F2: variants seen among roughly 807,000 people sequenced by gnomAD.
F2 encodes prothrombin.
In F2, 34 loss-of-function variants were observed where a neutral mutation model predicts 81.9. The ratio of observed to expected loss-of-function variants is 0.42; its 90% confidence interval spans 0.32 to 0.55. F2 has a LOEUF of 0.55. Among genes scored for constraint, F2 ranks in the 20% least tolerant of loss-of-function variants. The pLI is 0.18. For missense variants in F2, 630 were observed against 833.4 expected, an observed-to-expected ratio of 0.76 and a Z score of 3.00; for synonymous variants, 296 against 326.4, an observed-to-expected ratio of 0.91 and a Z score of 1.01.
intron 12 of F2, among the ~76,000 whole-genome samples, chr11:46,730,627 C>CT (rs1356222066): frequency 2.6e-5 from 4 of 151,494 alleles, no homozygotes; most frequent in Non-Finnish European, 2.9e-5. Context: ...TATTGAGGGG[C>CT]TTGAGGCAGG....
chr11:46,719,526 G>C lies in F2; in HGVS notation c.80-176G>C. ...ATAGGGAGCAGGCTGGGGGCAAGGG[G>C]CAGTGTAGGAGGGGCACAGGGGGCC... On this transcript the variant is annotated intron_variant, in intron 1 of 13. Transcript: ENST00000311907. The surrounding 1 kb of genome is among the most constrained non-coding windows in gnomAD (Gnocchi z 4.7). 1 of 944,642 alleles carries C rather than the reference G, an allele frequency of 1.1e-6. No individual in the cohort carries two copies. The allele number at this position is 944,642 out of a possible 1,614,324, so 58.5% of individuals were successfully genotyped here.
rs749229911 is a variant in F2, at chr11:46,723,295, G to A, written c.422+10G>A. On this transcript the variant is annotated intron_variant, in intron 5 of 13. Transcript: ENST00000311907. The surrounding 1 kb of genome is among the most constrained non-coding windows in gnomAD (Gnocchi z 5.6). ...ACCCACATAAGCCTGAGTGAGTGAG[G>A]GGCCGGCCTTCCCACCATGGGCTGA... 1 of 1,613,508 alleles carries A rather than the reference G, an allele frequency of 6.2e-7. No individual in the cohort carries two copies. The highest frequency in any genetic ancestry group is 8.5e-7 in the Non-Finnish European group (1 of 1,179,474).
chr11:46,734,930 C>G (rs1039999822), intron 12 of F2, among the ~76,000 whole-genome samples: 19 of 152,198 alleles, frequency 1.2e-4, no homozygotes, highest in Non-Finnish European at 2.6e-4. Flanking sequence ...AGATTCCTGA[C>G]TCATATGGAG....
chr11:46,728,301 G>T lies in F2; in HGVS notation c.1298+138G>T. ...TATAACATCCCAGCAGTCTCTGCTG[G>T]AAAGCCCATTTGGTCACGTCCTGAC... On this transcript the variant is annotated intron_variant, in intron 10 of 13. Coordinates refer to ENST00000311907, the MANE Select transcript of F2 (RefSeq NM_000506.5). The surrounding 1 kb of genome is among the most constrained non-coding windows in gnomAD (Gnocchi z 5.1). 2.9e-6 allele frequency: 3 copies of T among 1,048,254 alleles called. No individual in the cohort carries two copies. The highest frequency in any genetic ancestry group is 4.3e-6 in the Non-Finnish European group (3 of 700,840). The allele number at this position is 1,048,254 out of a possible 1,614,324, so 64.9% of individuals were successfully genotyped here. A position where few individuals can be genotyped will look rare whatever the true frequency, so the allele number is the denominator to read the frequency against.
Position 46,728,377 on chromosome 11 carries a change from C to T in F2, c.1298+214C>T, listed in dbSNP as rs551607817. On this transcript the variant is annotated intron_variant, in intron 10 of 13. Transcript: ENST00000311907. This position sits in a 1 kb window ranked among gnomAD's most constrained non-coding sequence, Gnocchi z 5.1. ...TCCGTCTGTCTCCTGGTCCCTCCAA[C>T]ACTAGGATATAGCCCATGTGGGAGT... 5.9e-5 allele frequency among the ~76,000 whole-genome samples: 9 copies of T among 152,334 alleles called. No homozygotes were observed. Among genetic ancestry groups the T allele is most frequent in the African/African-American group, 2.2e-4 (9 of 41,572 alleles).
intron 6 of F2, 134 bp from the exon 7 acceptor site, chr11:46,725,725 C>T (rs2064867280): frequency 1.6e-5 from 16 of 1,027,232 alleles, no homozygotes; most frequent in South Asian, 7.7e-5. Flanking sequence ...GGCAAACGGT[C>T]AGAAGCCCAG....
At chr11:46,724,304 G>C (rs1389606919) in intron 6 of F2, among the ~76,000 whole-genome samples, 1 of 152,100 alleles carries the variant, frequency 6.6e-6, no homozygotes, top group African/African-American at 2.4e-5. Context: ...GGCTGCACTC[G>C]CTAATGCGTC....
chr11:46,724,832 C>T (rs2064861307), intron 6 of F2, among the ~76,000 whole-genome samples: 2 of 150,966 alleles, frequency 1.3e-5, no homozygotes, highest in South Asian at 4.2e-4. Flanking sequence ...GTGCAGTGGC[C>T]CTATCTCAGC....
In F2 at chr11:46,719,713, C is replaced by T. The variant is rs1427401369; in HGVS notation, c.91C>T (p.Pro31Ser). 3 of 1,591,516 alleles carry T rather than the reference C, an allele frequency of 1.9e-6. No homozygotes were observed. Among genetic ancestry groups the T allele is most frequent in the African/African-American group, 2.7e-5 (2 of 74,516 alleles). ...LVHSQHVFLA[P>S]QQARSLLQRV... Reference sequence around the variant, plus strand: ...CCACCGCCTTACAGTGTTCCTGGCTCCTCAGCAAGCACGGTCGCTGCTCCA... The same window carrying T: ...CCACCGCCTTACAGTGTTCCTGGCTTCTCAGCAAGCACGGTCGCTGCTCCA... The change falls in exon 2 of 14, where the codon CCT becomes TCT. Residue 31 changes from proline (P) to serine (S), a missense_variant. Coordinates refer to ENST00000311907, the MANE Select transcript of F2 (RefSeq NM_000506.5). The surrounding 1 kb of genome is among the most constrained non-coding windows in gnomAD (Gnocchi z 4.7).
intron 12 of F2, among the ~76,000 whole-genome samples, chr11:46,734,742 C>T (rs1236236796): frequency 3.9e-5 from 6 of 152,038 alleles, no homozygotes; most frequent in Admixed American, 1.3e-4. Context: ...ACCTGGGAGG[C>T]GGAGGTTGCA....
Position 46,723,051 on chromosome 11 carries a change from G to A in F2, c.317-129G>A. 1 of 822,054 alleles carries A rather than the reference G, an allele frequency of 1.2e-6. No homozygotes were observed. Among genetic ancestry groups the A allele is most frequent in the Non-Finnish European group, 2.2e-6 (1 of 461,172 alleles). 50.9% of individuals were successfully genotyped at this position (822,054 alleles called of 1,614,324 possible). A position where few individuals can be genotyped will look rare whatever the true frequency, so the allele number is the denominator to read the frequency against. On this transcript the variant is annotated intron_variant, in intron 4 of 13. Coordinates refer to ENST00000311907, the MANE Select transcript of F2 (RefSeq NM_000506.5). The surrounding 1 kb of genome is among the most constrained non-coding windows in gnomAD (Gnocchi z 5.6). ...GAGAACTGCTGGTTGCAGAGGAAGA[G>A]GGGCTGGGTGAATGCAGGTTCAGGA... is the stretch of plus-strand genomic sequence containing the variant.
At position 46,728,083 on chromosome 11, in the gene F2, C is replaced by T. The variant is rs2064887422; in HGVS notation, c.1218C>T (p.His406=). The T allele has an allele frequency of 4.3e-6, 7 of 1,610,944 alleles. No homozygotes were observed. In the East Asian group the frequency reaches 1.3e-4, roughly 31 times the overall value. The change falls in exon 10 of 14, where the codon CAC becomes CAT. Residue 406 remains histidine, a synonymous_variant. Transcript: ENST00000311907. The surrounding 1 kb of genome is among the most constrained non-coding windows in gnomAD (Gnocchi z 5.1). The part of the protein sequence containing the change: ...ISDRWVLTAA[H]CLLYPPWDKN... ...ACCGCTGGGTCCTCACCGCCGCCCACTGCCTCCTGTACCCGCCCTGGGACA... is the reference window on the plus strand; with the variant it reads ...ACCGCTGGGTCCTCACCGCCGCCCATTGCCTCCTGTACCCGCCCTGGGACA...
Position 46,729,535 on chromosome 11 carries a change from G to A in F2, c.1628G>A (p.Arg543His), listed in dbSNP as rs143064939. 5.0e-5 allele frequency: 81 copies of A among 1,613,614 alleles called. 1 individual carries two copies. Among genetic ancestry groups the A allele is most frequent in the Middle Eastern group, 1.7e-4 (1 of 6,060 alleles). Reference protein sequence around the residue: ...RPVCKDSTRIRITDNMFCAGY... With the variant: ...RPVCKDSTRIHITDNMFCAGY... The stretch of plus-strand genomic sequence containing the variant: ...GTCTGCAAGGACTCCACCCGGATCC[G>A]CATCACTGACAACATGTTCTGTGCT... Residue 543 changes from arginine to histidine, a missense_variant, in exon 12 of 14, where the codon CGC becomes CAC. Coordinates refer to ENST00000311907, the MANE Select transcript of F2 (RefSeq NM_000506.5).
In F2 at chr11:46,723,995, G is replaced by C. The variant is rs548497448; in HGVS notation, c.559+477G>C. ...AGTCAGGGAATCAGGGGATCTGAGT[G>C]GGGGGATCTGCCAGCCTCCTCCTCC... On this transcript the variant is annotated intron_variant, in intron 6 of 13. Transcript: ENST00000311907. The surrounding 1 kb of genome is among the most constrained non-coding windows in gnomAD (Gnocchi z 5.6). 6.6e-6 allele frequency among the ~76,000 whole-genome samples: 1 copy of C among 152,158 alleles called. No individual in the cohort carries two copies. The highest frequency in any genetic ancestry group is 2.1e-4 in the South Asian group (1 of 4,826).
chr11:46,730,514 G>A (rs1453127616), intron 12 of F2, among the ~76,000 whole-genome samples: 1 of 151,660 alleles, frequency 6.6e-6, no homozygotes, highest in Non-Finnish European at 1.5e-5. Flanking sequence ...AGGCCTGGGG[G>A]GCTGAGGAGG....
intron 12 of F2, among the ~76,000 whole-genome samples, chr11:46,733,020 A>G (rs1336469298): frequency 6.6e-6 from 1 of 152,184 alleles, no homozygotes; most frequent in Non-Finnish European, 1.5e-5. Flanking sequence ...GAAAAAAATT[A>G]TATGATGCAT....
At chr11:46,733,045 A>G (rs1026740408) in intron 12 of F2, among the ~76,000 whole-genome samples, 1 of 152,140 alleles carries the variant, frequency 6.6e-6, no homozygotes, top group Non-Finnish European at 1.5e-5. Flanking sequence ...CAATATCTCT[A>G]TCATCTATAT....
intron 9 of F2, among the ~76,000 whole-genome samples, chr11:46,727,433 T>C (rs1211963068): frequency 6.6e-6 from 1 of 152,162 alleles, no homozygotes; most frequent in Non-Finnish European, 1.5e-5. Flanking sequence ...TCCAGAGCTG[T>C]GCTACGCTAT....
chr11:46,739,502 A>C lies in F2; in HGVS notation c.*94A>C. Reference sequence around the variant, plus strand: ...ATGGTTCCCAATAAAAGTGACTCTCAGCGAGCCTCAATGCTCCCAGTGCTA... The same window carrying C: ...ATGGTTCCCAATAAAAGTGACTCTCCGCGAGCCTCAATGCTCCCAGTGCTA... On this transcript the variant is annotated 3_prime_UTR_variant, in exon 14 of 14. Coordinates refer to ENST00000311907, the MANE Select transcript of F2 (RefSeq NM_000506.5). 6.5e-7 allele frequency: 1 copy of C among 1,533,442 alleles called. No individual in the cohort carries two copies. The highest frequency in any genetic ancestry group is 8.9e-7 in the Non-Finnish European group (1 of 1,118,404). The allele number at this position is 1,533,442 out of a possible 1,614,324, so 95.0% of individuals were successfully genotyped here.
Sources: gnomAD v4.1 joint callset for allele counts (sites outside exome capture counted in the v4.1 genomes callset) on GRCh38, gnomAD v4.1.1 for gene constraint, Gnocchi (gnomAD v3.1) non-coding constraint, MANE v1.5 for transcripts, NCBI Gene and HGNC (gene_info 2026-07-23, HGNC 2026-07-21) for gene names.